The following WBP4 variants were observed in gnomAD, a reference collection of about 807,000 sequenced individuals.
The protein encoded by WBP4 is WW domain-binding protein 4.
In WBP4, 37 loss-of-function variants were observed where a neutral mutation model predicts 55.4. The observed-to-expected ratio is 0.67, with a 90% CI of 0.51 to 0.88. The LOEUF (loss-of-function observed/expected upper bound fraction) is 0.88, where lower values mean the gene tolerates loss of function less well. Ranked by LOEUF, WBP4 falls within the 40% of genes least tolerant of loss-of-function variation. The probability of loss-of-function intolerance (pLI) is 0.00; values close to 1 mark genes in which losing one functional copy is unlikely to be tolerated. For synonymous variants in WBP4, 142 were observed against 140.2 expected, an observed-to-expected ratio of 1.01 and a Z score of -0.09; for missense variants, 398 against 420.8, an observed-to-expected ratio of 0.95 and a Z score of 0.47.
chr13:41,068,491 A>G (rs1253165704), intron 4 of WBP4, 70 bp from the exon 5 acceptor site: 1 of 1,393,042 alleles, frequency 7.2e-7, no homozygotes, highest in Non-Finnish European at 9.5e-7. Context: ...AATAACATTA[A>G]TGTTTTATGC....
At chr13:41,066,151 A>G (rs1030003881) in intron 4 of WBP4, among the ~76,000 whole-genome samples, 2 of 152,206 alleles carry the variant, frequency 1.3e-5, no homozygotes, top group Non-Finnish European at 2.9e-5. Flanking sequence ...TTGAAAGGAA[A>G]AAGGATTTAG....
chr13:41,076,267 A>C (rs1250030847), intron 8 of WBP4, 30 bp downstream of exon 8: 18 of 1,293,126 alleles, frequency 1.4e-5, no homozygotes, highest in Non-Finnish European at 1.8e-5. Flanking sequence ...TCTTCACATC[A>C]AATTTTTTTT....
At chr13:41,067,155 T>A (rs1331249106) in intron 4 of WBP4, among the ~76,000 whole-genome samples, 1 of 152,076 alleles carries the variant, frequency 6.6e-6, no homozygotes, top group Non-Finnish European at 1.5e-5. Context: ...GGTCTTGCCA[T>A]GTTGCCCAGG....
intron 9 of WBP4, among the ~76,000 whole-genome samples, chr13:41,081,155 C>T (rs922533798): frequency 1.3e-5 from 2 of 151,964 alleles, no homozygotes; most frequent in Non-Finnish European, 2.9e-5. Flanking sequence ...TGAAATCGCG[C>T]CACTGGACTC....
At chr13:41,079,269 T>C (rs1316303415) in intron 8 of WBP4, among the ~76,000 whole-genome samples, 1 of 151,954 alleles carries the variant, frequency 6.6e-6, no homozygotes, top group Non-Finnish European at 1.5e-5. Context: ...CAGAAGGCTG[T>C]AATTAAAAAG....
intron 1 of WBP4, 113 bp downstream of exon 1, chr13:41,061,788 G>A: frequency 1.3e-6 from 2 of 1,544,990 alleles, no homozygotes; most frequent in South Asian, 2.3e-5. Context: ...CGTGACAGAC[G>A]CGTTCTTAAC....
chr13:41,072,751 A>G, intron 6 of WBP4, 31 bp from the exon 7 acceptor site: 8 of 1,593,640 alleles, frequency 5.0e-6, no homozygotes, highest in Non-Finnish European at 6.9e-6. Context: ...GGTTATCCTT[A>G]GTTTATGCTG....
chr13:41,076,715 T>G (rs1178265805), intron 8 of WBP4, among the ~76,000 whole-genome samples: 1 of 152,170 alleles, frequency 6.6e-6, no homozygotes, highest in Admixed American at 6.5e-5. Flanking sequence ...GGAGACACAT[T>G]ATTAGCATTG....
chr13:41,066,780 T>TTA (rs1401699748), intron 4 of WBP4, among the ~76,000 whole-genome samples: 1 of 130,856 alleles, frequency 7.6e-6, no homozygotes, highest in African/African-American at 2.5e-5. Flanking sequence ...TTAAGCATCT[T>TTA]TATGCATGTA....
chr13:41,065,398 T>G, intron 4 of WBP4, 111 bp downstream of exon 4: 1 of 1,382,008 alleles, frequency 7.2e-7, no homozygotes, highest in Non-Finnish European at 9.5e-7. Flanking sequence ...CTCAGTGTAC[T>G]CTCAGTGCTT....
intron 7 of WBP4, among the ~76,000 whole-genome samples, chr13:41,074,152 C>T (rs1030678683): frequency 2.0e-5 from 3 of 151,968 alleles, no homozygotes; most frequent in Non-Finnish European, 4.4e-5. Context: ...AGGATGGTCT[C>T]GATCTCCTGA....
chr13:41,082,765 G>A lies in WBP4; in HGVS notation c.982G>A (p.Asp328Asn). 6.2e-7 allele frequency: 1 copy of A among 1,614,112 alleles called. No individual in the cohort carries two copies. Among genetic ancestry groups the A allele is most frequent in the Non-Finnish European group, 8.5e-7 (1 of 1,180,014 alleles). Residue 328 changes from aspartate to asparagine, a missense_variant, in exon 10 of 10, where the codon GAT (aspartate) becomes AAT (asparagine). Coordinates refer to ENST00000379487, the MANE Select transcript of WBP4 (RefSeq NM_007187.5). ...ENEYVSTSEA[D>N]GGGEPKVVFK... ...TGAGTATGTATCAACTTCAGAAGCTGATGGTGGCGGAGAACCCAAAGTGGT... is the reference window on the plus strand; with the variant it reads ...TGAGTATGTATCAACTTCAGAAGCTAATGGTGGCGGAGAACCCAAAGTGGT...
intron 7 of WBP4, among the ~76,000 whole-genome samples, chr13:41,075,818 T>G (rs187098260): frequency 2.6e-5 from 4 of 152,330 alleles, no homozygotes; most frequent in African/African-American, 9.6e-5. Flanking sequence ...TCTCATTCCA[T>G]TGGAGTTATA....
chr13:41,068,691 C>T lies in WBP4; in HGVS notation c.393C>T (p.Gly131=), dbSNP rs987899358. 2.5e-6 allele frequency: 4 copies of T among 1,612,438 alleles called. No homozygotes were observed. The African/African-American group carries it at 5.4e-5, about 22-fold the overall frequency. The change falls in exon 5 of 10, where the codon GGC becomes GGT. Residue 131 remains glycine, a synonymous_variant. Transcript: ENST00000379487. ...KDPSKGRWVE[G]ITSEGYHYYY... is the part of the protein sequence containing the mutation. Reference sequence around the variant, plus strand: ...CTTCAAAGGGCAGATGGGTAGAAGGCATAACCTCTGAGGGTTACCATTACT... The same window carrying T: ...CTTCAAAGGGCAGATGGGTAGAAGGTATAACCTCTGAGGGTTACCATTACT...
At chr13:41,075,227 A>AGGG (rs1555285423) in intron 7 of WBP4, among the ~76,000 whole-genome samples, 2 of 152,184 alleles carry the variant, frequency 1.3e-5, no homozygotes, top group Non-Finnish European at 2.9e-5. Context: ...TTGTTTTACT[A>AGGG]AAAGCCCAAT....
Position 41,083,146 on chromosome 13 carries a change from C to A in WBP4, c.*232C>A. On this transcript the variant is annotated 3_prime_UTR_variant, in exon 10 of 10. Coordinates refer to ENST00000379487, the MANE Select transcript of WBP4 (RefSeq NM_007187.5). ...GTGTATTATGTTCAGTGTCTAAAAA[C>A]TGCTAATTAAGTCATAATTTAAGAT... is the stretch of plus-strand genomic sequence containing the variant. The A allele has an allele frequency of 2.5e-6, 1 of 392,226 alleles. No homozygotes were observed. The highest frequency in any genetic ancestry group is 4.3e-5 in the South Asian group (1 of 23,086). 24.3% of individuals were successfully genotyped at this position (392,226 alleles called of 1,614,324 possible). A position where few individuals can be genotyped will look rare whatever the true frequency, so the allele number is the denominator to read the frequency against.
intron 2 of WBP4, among the ~76,000 whole-genome samples, chr13:41,063,107 A>G (rs1877776769): frequency 6.6e-6 from 1 of 152,206 alleles, no homozygotes; most frequent in South Asian, 2.1e-4. Flanking sequence ...GAAATAATCA[A>G]GTGTATTTAA....
At chr13:41,076,271 T>A (rs1400651420) in intron 8 of WBP4, 34 bp downstream of exon 8, 38 of 63,370 alleles carry the variant, frequency 6.0e-4, no homozygotes, top group Non-Finnish European at 9.9e-4. Flanking sequence ...CACATCAAAT[T>A]TTTTTTTTTT....
chr13:41,063,203 G>T (rs924438743), intron 2 of WBP4, among the ~76,000 whole-genome samples: 2 of 152,130 alleles, frequency 1.3e-5, no homozygotes, highest in Admixed American at 1.3e-4. Context: ...ACTCTGTTAG[G>T]TATGTTGTTA....
Sources: gnomAD v4.1 joint callset for allele counts (sites outside exome capture counted in the v4.1 genomes callset) on GRCh38, gnomAD v4.1.1 for gene constraint, MANE v1.5 for transcripts, NCBI Gene and HGNC (gene_info 2026-07-23, HGNC 2026-07-21) for gene names.